Variants in QRICH2 observed in about 807,000 individuals in gnomAD.
The protein encoded by QRICH2 is glutamine-rich protein 2.
Under a neutral mutation model 168.3 loss-of-function variants are expected in QRICH2, and 119 were observed. The observed-to-expected ratio is 0.71, with a 90% CI of 0.61 to 0.82. QRICH2 has a LOEUF of 0.82. QRICH2 is among the 40% of genes least tolerant of loss of function. The pLI is 0.00. For missense variants in QRICH2, 2,241 were observed against 2,491.6 expected (o/e 0.90, Z 2.14); for synonymous variants, 894 against 951.2 (o/e 0.94, Z 1.11).
At position 76,280,203 on chromosome 17, in the gene QRICH2, G is replaced by C. The variant is rs2070761586; in HGVS notation, c.4627-49C>G. The stretch of plus-strand genomic sequence containing the variant: ...GGGGACCTCTAAGGAAGCAGGTAGG[G>C]GGCTGACCCAGGAGAAGGTGGTGCT... On this transcript the variant is annotated intron_variant, in intron 11 of 18. Transcript: ENST00000680821. The surrounding 1 kb of genome is among the most constrained non-coding windows in gnomAD (Gnocchi z 7.4). 1.9e-6 allele frequency: 3 copies of C among 1,607,824 alleles called. No individual in the cohort carries two copies. In the South Asian group the frequency reaches 3.3e-5, roughly 18 times the overall value.
chr17:76,291,131 A>G lies in QRICH2; in HGVS notation c.3596T>C (p.Leu1199Pro). The change falls in exon 4 of 19, where the codon CTG (leucine) becomes CCG (proline). Residue 1199 changes from leucine to proline, a missense_variant. Physicochemically the swap from Leu to Pro is moderately conservative, Grantham distance 98. Coordinates refer to ENST00000680821, the MANE Select transcript of QRICH2 (RefSeq NM_001388453.1). ...ATAGAGGCTACTGAGCTCTCCCATCAGATGAAATGTCTCCACTGCCGTGGG... is the reference window on the plus strand; with the variant it reads ...ATAGAGGCTACTGAGCTCTCCCATCGGATGAAATGTCTCCACTGCCGTGGG... ...SFPTAVETFH[L>P]MGELSSLYVG... The G allele has an allele frequency of 6.2e-7, 1 of 1,614,200 alleles. No homozygotes were observed. Among genetic ancestry groups the G allele is most frequent in the Non-Finnish European group, 8.5e-7 (1 of 1,180,042 alleles).
At chr17:76,278,828 G>A (rs73350380) in intron 14 of QRICH2, among the ~76,000 whole-genome samples, 17,118 of 152,280 alleles carry the variant, frequency 0.11, 2,428 homozygotes, top group African/African-American at 0.33. Flanking sequence ...TGCCTCCTAC[G>A]CTCATGCCTT....
chr17:76,278,201 G>A lies in QRICH2; in HGVS notation c.4917-12C>T. 1 of 1,601,798 alleles carries A rather than the reference G, an allele frequency of 6.2e-7. No homozygotes were observed. Among genetic ancestry groups the A allele is most frequent in the Non-Finnish European group, 8.5e-7 (1 of 1,179,542 alleles). On this transcript the variant is annotated splice_polypyrimidine_tract_variant and intron_variant, in intron 14 of 18. Coordinates refer to ENST00000680821, the MANE Select transcript of QRICH2 (RefSeq NM_001388453.1). ...TGCCCAGCTTGAGGCTGCAGGGTGT[G>A]AGCAGAACAGAGGGAGGGTTGGCCC...
chr17:76,274,491 G>C (rs927288106), intron 18 of QRICH2, among the ~76,000 whole-genome samples: 2 of 152,112 alleles, frequency 1.3e-5, no homozygotes, highest in Admixed American at 1.3e-4. Flanking sequence ...AAGCAAACAC[G>C]TCCTTCTGCA....
chr17:76,278,079 T>C lies in QRICH2; in HGVS notation c.5027A>G (p.Gln1676Arg), dbSNP rs1245935470. ...CTTGGTGGAGCCCCCGAAGTGGATC[T>C]GCACCTTCTCAATGTTCATCAGCAT... is the stretch of plus-strand genomic sequence containing the variant. ...SKMLMNIEKV[Q>R]IHFGGSTKAS... is the part of the protein sequence containing the mutation. Residue 1676 changes from glutamine to arginine, a missense_variant, in exon 15 of 19, where the codon CAG becomes CGG. Physicochemically the swap from Gln to Arg is conservative, Grantham distance 43. Around this residue, in one of 3 missense-constraint regions of QRICH2, gnomAD observed 2,047 missense variants for 2,303.8 expected, o/e 0.89. Coordinates refer to ENST00000680821, the MANE Select transcript of QRICH2 (RefSeq NM_001388453.1). 5.6e-6 allele frequency: 9 copies of C among 1,613,856 alleles called. No homozygotes were observed. The South Asian group carries it at 9.9e-5, about 18-fold the overall frequency.
chr17:76,306,843 C>A (rs1421103688), intron 1 of QRICH2, among the ~76,000 whole-genome samples: 1 of 151,726 alleles, frequency 6.6e-6, no homozygotes, highest in Non-Finnish European at 1.5e-5. Flanking sequence ...GCCGAGACTG[C>A]ACCACTGCAT....
Position 76,282,119 on chromosome 17 carries a change from C to G in QRICH2, c.4012-4G>C. ...TGATCATCCTGAGCTTGTCCAACTG[C>G]GTGCAGGAGAGACGGCAGCAGCAGG... is the stretch of plus-strand genomic sequence containing the variant. On this transcript the variant is annotated splice_region_variant and splice_polypyrimidine_tract_variant and intron_variant, in intron 7 of 18. Transcript: ENST00000680821. 7 of 1,594,212 alleles carry G rather than the reference C, an allele frequency of 4.4e-6. No homozygotes were observed. The highest frequency in any genetic ancestry group is 6.0e-6 in the Non-Finnish European group (7 of 1,164,564).
intron 3 of QRICH2, among the ~76,000 whole-genome samples, chr17:76,300,191 C>T (rs968570354): frequency 1.1e-4 from 16 of 152,248 alleles, no homozygotes; most frequent in African/African-American, 3.1e-4. Context: ...TACATCTTCT[C>T]AGGGTGATGG....
At chr17:76,283,423 G>A (rs1217886162) in intron 7 of QRICH2, among the ~76,000 whole-genome samples, 1 of 152,226 alleles carries the variant, frequency 6.6e-6, no homozygotes, top group Non-Finnish European at 1.5e-5. Context: ...GAAGTGGATT[G>A]TCTCCTGAGT....
chr17:76,277,744 ACT>A (rs2070712037), intron 15 of QRICH2, among the ~76,000 whole-genome samples: 2 of 151,706 alleles, frequency 1.3e-5, no homozygotes, highest in East Asian at 3.9e-4. Context: ...TCACTCCCAC[ACT>A]CATACACACA....
At position 76,287,903 on chromosome 17, in the gene QRICH2, A is replaced by C; in HGVS notation, c.3799-6T>G. 1 of 1,610,562 alleles carries C rather than the reference A, an allele frequency of 6.2e-7. No homozygotes were observed. The highest frequency in any genetic ancestry group is 8.5e-7 in the Non-Finnish European group (1 of 1,176,982). ...ATCCTCTGCAGCCTTTCCACCTACAAACCCAGTGAATGAGGAGGGTCAGGC... is the reference window on the plus strand; with the variant it reads ...ATCCTCTGCAGCCTTTCCACCTACACACCCAGTGAATGAGGAGGGTCAGGC... On this transcript the variant is annotated splice_polypyrimidine_tract_variant and splice_region_variant and intron_variant, in intron 5 of 18. Coordinates refer to ENST00000680821, the MANE Select transcript of QRICH2 (RefSeq NM_001388453.1).
rs1339941968 is a variant in QRICH2 at position 76,291,515 on chromosome 17, G to A, written c.3212C>T (p.Thr1071Ile). 6.2e-7 allele frequency: 1 copy of A among 1,613,950 alleles called. No homozygotes were observed. Among genetic ancestry groups the A allele is most frequent in the East Asian group, 2.2e-5 (1 of 44,876 alleles). Reference sequence around the variant, plus strand: ...TGCCACATGCTGTTGATCTGGGTGTGTAGATCCCAAACCTGTACTCAGTGG... The same window carrying A: ...TGCCACATGCTGTTGATCTGGGTGTATAGATCCCAAACCTGTACTCAGTGG... ...PIPLSTGLGS[T>I]HPDQQHVASP... is the part of the protein sequence containing the mutation. Residue 1071 changes from threonine to isoleucine, a missense_variant, in exon 4 of 19, where the codon ACA (threonine) becomes ATA (isoleucine). This residue lies in a region of QRICH2 where 2,047 missense variants were observed against 2,303.8 expected (regional missense o/e 0.89). Transcript: ENST00000680821.
intron 18 of QRICH2, among the ~76,000 whole-genome samples, chr17:76,274,610 T>C (rs2070639395): frequency 6.6e-6 from 1 of 152,234 alleles, no homozygotes; most frequent in Non-Finnish European, 1.5e-5. Context: ...CCCTCTCTCC[T>C]GCTTCCAGGG....
Position 76,293,034 on chromosome 17 carries a change from T to C in QRICH2, c.1693A>G (p.Thr565Ala). The change falls in exon 4 of 19, where the codon ACA becomes GCA. Residue 565 changes from threonine (T) to alanine (A), a missense_variant. Coordinates refer to ENST00000680821, the MANE Select transcript of QRICH2 (RefSeq NM_001388453.1). ...GACTGGATCAAATCATGCTGCTCTG[T>C]GCCAGGTTGTATGAAGCCAGTTGCT... is the stretch of plus-strand genomic sequence containing the variant. ...LEATGFIQPGTEQHDLIQSGR... is the reference protein window; with the variant it reads ...LEATGFIQPGAEQHDLIQSGR... The C allele has an allele frequency of 1.9e-6, 3 of 1,614,222 alleles. No homozygotes were observed. The highest frequency in any genetic ancestry group is 2.5e-6 in the Non-Finnish European group (3 of 1,180,044).
rs911259389 is a variant in QRICH2, at chr17:76,291,316, C to T, written c.3411G>A (p.Ser1137=). ...TCTGGGCAGGAATTCCATGTCGGTC[C>T]GAGGCTCGTGTTCTATTTGGATCCA... ...EGLDPNRTRA[S]DRHGIPAQKA... Residue 1137 remains serine, a synonymous_variant, in exon 4 of 19, where the codon TCG becomes TCA. Coordinates refer to ENST00000680821, the MANE Select transcript of QRICH2 (RefSeq NM_001388453.1). 1.6e-5 allele frequency: 26 copies of T among 1,614,016 alleles called. No homozygotes were observed. The highest frequency in any genetic ancestry group is 1.3e-4 in the Admixed American group (8 of 59,982).
chr17:76,307,696 G>A lies in QRICH2; in HGVS notation c.303C>T (p.Ser101=), dbSNP rs964095101. Residue 101 remains serine (S), a synonymous_variant, in exon 1 of 19, where the codon AGC becomes AGT. Transcript: ENST00000680821. This position sits in a 1 kb window ranked among gnomAD's most constrained non-coding sequence, Gnocchi z 5.3. ...CCTGGCCGCCCAGGTCCTTCACTTGGCTCTCCAGCGCTGACGAAGGCGCCT... is the reference window on the plus strand; with the variant it reads ...CCTGGCCGCCCAGGTCCTTCACTTGACTCTCCAGCGCTGACGAAGGCGCCT... ...VGQAPSSALE[S]QVKDLGGQVE... 120 of 1,435,566 alleles carry A rather than the reference G, an allele frequency of 8.4e-5. No individual in the cohort carries two copies. Among genetic ancestry groups the A allele is most frequent in the Non-Finnish European group, 9.9e-5 (109 of 1,096,062 alleles). 88.9% of individuals were successfully genotyped at this position (1,435,566 alleles called of 1,614,324 possible).
At position 76,293,677 on chromosome 17, in the gene QRICH2, C is replaced by T. The variant is rs143062527; in HGVS notation, c.1050G>A (p.Ser350=). Reference sequence around the variant, plus strand: ...GACGTGCATTTCTTCTTGGTTGTGTCGAGGTAAGCTTCTCTCTACTCCTGT... The same window carrying T: ...GACGTGCATTTCTTCTTGGTTGTGTTGAGGTAAGCTTCTCTCTACTCCTGT... The part of the protein sequence containing the change: ...DRHRSREKLT[S]TQPRRNARPG... Residue 350 remains serine (S), a synonymous_variant, in exon 4 of 19, where the codon TCG becomes TCA. Transcript: ENST00000680821. 10 of 1,614,000 alleles carry T rather than the reference C, an allele frequency of 6.2e-6. No individual in the cohort carries two copies. The highest frequency in any genetic ancestry group is 5.0e-5 in the Admixed American group (3 of 59,982).
At chr17:76,306,715 C>T (rs1379095800) in intron 1 of QRICH2, among the ~76,000 whole-genome samples, 2 of 152,068 alleles carry the variant, frequency 1.3e-5, no homozygotes, top group East Asian at 3.9e-4. Context: ...GGTGAAACTC[C>T]TTCTCTACTA....
chr17:76,293,119 T>C lies in QRICH2; in HGVS notation c.1608A>G (p.Val536=), dbSNP rs764858281. Residue 536 remains valine (V), a synonymous_variant, in exon 4 of 19, where the codon GTA becomes GTG. Coordinates refer to ENST00000680821, the MANE Select transcript of QRICH2 (RefSeq NM_001388453.1). The part of the protein sequence containing the change: ...VLPFTDQHGL[V]SPGLMPISAD... ...CACTAATTGGCATCAAACCAGGTGA[T>C]ACCAAACCATGCTGGTCTGTAAAAG... The C allele has an allele frequency of 1.9e-6, 3 of 1,614,238 alleles. No homozygotes were observed. Among genetic ancestry groups the C allele is most frequent in the South Asian group, 1.1e-5 (1 of 91,084 alleles).
Sources: gnomAD v4.1 joint callset for allele counts (sites outside exome capture counted in the v4.1 genomes callset) on GRCh38, gnomAD v4.1.1 for gene constraint, gnomAD v4.1.1 regional missense constraint, Gnocchi (gnomAD v3.1) non-coding constraint, MANE v1.5 for transcripts, NCBI Gene and HGNC (gene_info 2026-07-23, HGNC 2026-07-21) for gene names.